Variants in MDN1 observed in about 807,000 individuals in gnomAD.
The protein encoded by MDN1 is midasin.
In MDN1, 266 loss-of-function variants were observed where a neutral mutation model predicts 669.2. The ratio of observed to expected loss-of-function variants is 0.40; its 90% confidence interval spans 0.36 to 0.44. The LOEUF is 0.44. Ranked by LOEUF, MDN1 falls within the 20% of genes least tolerant of loss-of-function variation. MDN1 has a pLI of 1.00. For synonymous variants in MDN1, 2,385 were observed against 2,457.1 expected, an observed-to-expected ratio of 0.97 and a Z score of 0.87; for missense variants, 5,940 against 6,754.0, an observed-to-expected ratio of 0.88 and a Z score of 4.22.
intron 3 of MDN1, among the ~76,000 whole-genome samples, 180 bp from the exon 4 acceptor site, chr6:89,794,387 C>T (rs1258058187): frequency 6.6e-6 from 1 of 152,164 alleles, no homozygotes; most frequent in African/African-American, 2.4e-5. Context: ...AAAGGTGAAA[C>T]TCCATTCATA....
At chr6:89,713,013 C>G in intron 47 of MDN1, 135 bp downstream of exon 47, 1 of 992,386 alleles carries the variant, frequency 1.0e-6, no homozygotes, top group South Asian at 1.7e-5. Context: ...TACCTGGATA[C>G]CAGATCTCTA....
In MDN1 at chr6:89,759,007, A is replaced by T. The variant is rs1817400814; in HGVS notation, c.2461-47T>A. 4 of 1,571,922 alleles carry T rather than the reference A, an allele frequency of 2.5e-6. No individual in the cohort carries two copies. The South Asian group carries it at 4.5e-5, about 18-fold the overall frequency. The stretch of plus-strand genomic sequence containing the variant: ...TGTTAACAATGTGTCAAATAAAGGC[A>T]CACTTGCCAAGAACAGTTATGCAAG... On this transcript the variant is annotated intron_variant, in intron 17 of 101. Transcript: ENST00000369393.
chr6:89,664,465 G>A (rs1810038127), intron 85 of MDN1, 22 bp downstream of exon 85: 1 of 1,610,766 alleles, frequency 6.2e-7, no homozygotes, highest in African/African-American at 1.3e-5. Flanking sequence ...AAACAAGAAT[G>A]AAGTGACAGA....
chr6:89,733,563 T>TATAC (rs769114126), intron 33 of MDN1, among the ~76,000 whole-genome samples: 8 of 151,698 alleles, frequency 5.3e-5, no homozygotes, highest in Admixed American at 3.3e-4. Context: ...GCTATATATA[T>TATAC]ATACAGCCTC....
chr6:89,796,346 A>AAAC (rs1819609502), intron 2 of MDN1, among the ~76,000 whole-genome samples: 4 of 149,590 alleles, frequency 2.7e-5, no homozygotes, highest in African/African-American at 9.8e-5. Flanking sequence ...AAAAAAAAAA[A>AAAC]AAAACAAAAA....
intron 2 of MDN1, among the ~76,000 whole-genome samples, chr6:89,801,551 T>G (rs938371209): frequency 6.6e-6 from 1 of 151,886 alleles, no homozygotes; most frequent in Non-Finnish European, 1.5e-5. Flanking sequence ...CTTGGGGGGC[T>G]GAGGTGGGAG....
At position 89,689,339 on chromosome 6, in the gene MDN1, G is replaced by A. The variant is rs80086277; in HGVS notation, c.11023+531C>T. Among the ~76,000 whole-genome samples the A allele has an allele frequency of 1.7e-3, 260 of 152,288 alleles. 1 individual carries two copies. The highest frequency in any genetic ancestry group is 5.8e-3 in the African/African-American group (240 of 41,566). ...AACAAATGGTGTAGGGGTTAACTCA[G>A]TGCATCCAAATTCCCAGTTTTTATA... On this transcript the variant is annotated intron_variant, in intron 65 of 101. Transcript: ENST00000369393.
At chr6:89,778,592 T>C (rs962993453) in intron 11 of MDN1, among the ~76,000 whole-genome samples, 5 of 151,930 alleles carry the variant, frequency 3.3e-5, no homozygotes, top group Non-Finnish European at 7.4e-5. Context: ...TTATATAAAA[T>C]GGCATAGGGT....
At chr6:89,666,292 G>T (rs1810219552) in intron 84 of MDN1, among the ~76,000 whole-genome samples, 1 of 152,110 alleles carries the variant, frequency 6.6e-6, no homozygotes, top group East Asian at 1.9e-4. Flanking sequence ...CTGAAACAAG[G>T]TCTTGCTCTC....
At chr6:89,738,564 C>G (rs1816124284) in intron 32 of MDN1, 109 bp from the exon 33 acceptor site, 2 of 1,174,918 alleles carry the variant, frequency 1.7e-6, no homozygotes. Context: ...ATACTACACA[C>G]TTTTAAAAAT....
chr6:89,688,574 T>C lies in MDN1; in HGVS notation c.11258A>G (p.Gln3753Arg). 6.2e-7 allele frequency: 1 copy of C among 1,613,022 alleles called. No individual in the cohort carries two copies. The highest frequency in any genetic ancestry group is 8.5e-7 in the Non-Finnish European group (1 of 1,179,290). The change falls in exon 66 of 102, where the codon CAG becomes CGG. Residue 3753 changes from glutamine to arginine, a missense_variant and splice_region_variant. Gln to Arg is a conservative substitution (Grantham distance 43, BLOSUM62 1). Transcript: ENST00000369393. ...QDWPEHPALE[Q>R]LLVVMDRIRS... ...CTCCTTCCTCAACAGCTGCCCTACC[T>C]GTTCAAGCGCTGGGTGTTCTGGCCA...
chr6:89,784,352 T>G (rs1455832853), intron 9 of MDN1, among the ~76,000 whole-genome samples: 4 of 151,966 alleles, frequency 2.6e-5, no homozygotes, highest in Non-Finnish European at 4.4e-5. Context: ...AAGATTGAAG[T>G]TTGTTTGGTG....
At chr6:89,748,199 G>A (rs568031308) in intron 26 of MDN1, among the ~76,000 whole-genome samples, 8 of 152,140 alleles carry the variant, frequency 5.3e-5, no homozygotes, top group South Asian at 2.1e-4. Context: ...GGTGGTGCAC[G>A]CCTATAGTCG....
chr6:89,753,303 A>C (rs1453548866), intron 22 of MDN1, among the ~76,000 whole-genome samples: 1 of 152,196 alleles, frequency 6.6e-6, no homozygotes, highest in Admixed American at 6.5e-5. Flanking sequence ...ATTTATCTGG[A>C]AAGATTATCC....
Position 89,712,160 on chromosome 6 carries a change from C to T in MDN1, c.7527G>A (p.Trp2509Ter). 2 of 1,614,128 alleles carry T rather than the reference C, an allele frequency of 1.2e-6. No individual in the cohort carries two copies. Among genetic ancestry groups the T allele is most frequent in the East Asian group, 2.2e-5 (1 of 44,864 alleles). The change falls in exon 49 of 102, where the codon TGG becomes TGA. Residue 2509 changes from tryptophan to a stop codon, truncating the protein, a stop_gained. Transcript: ENST00000369393. LOFTEE classifies it high-confidence loss of function. ...KFNAVEVNTY[W>*]IDEPDVLVMA... ...TGACCAAAACATCTGGTTCATCGATCCAGTAAGTATTCACTTCGACTGCAT... is the reference window on the plus strand; with the variant it reads ...TGACCAAAACATCTGGTTCATCGATTCAGTAAGTATTCACTTCGACTGCAT...
chr6:89,759,449 G>A (rs1183798716), intron 17 of MDN1, among the ~76,000 whole-genome samples: 1 of 152,090 alleles, frequency 6.6e-6, no homozygotes, highest in Non-Finnish European at 1.5e-5. Flanking sequence ...GATTTAATTG[G>A]TTTTAGAAAT....
In MDN1 at chr6:89,732,729, G is replaced by C. The variant is rs757748362; in HGVS notation, c.4770C>G (p.Thr1590=). ...CACACTTTCTGCCAAACTCTTGGTGGGTCAGCCAGTCAATGAAATCCAGCA... is the reference window on the plus strand; with the variant it reads ...CACACTTTCTGCCAAACTCTTGGTGCGTCAGCCAGTCAATGAAATCCAGCA... ...EVMLDFIDWL[T]HQEFGRKCVV... is the part of the protein sequence containing the mutation. The change falls in exon 34 of 102, where the codon ACC becomes ACG. Residue 1590 remains threonine (T), a synonymous_variant. Coordinates refer to ENST00000369393, the MANE Select transcript of MDN1 (RefSeq NM_014611.3). 1 of 1,613,898 alleles carries C rather than the reference G, an allele frequency of 6.2e-7. No individual in the cohort carries two copies. The highest frequency in any genetic ancestry group is 8.5e-7 in the Non-Finnish European group (1 of 1,179,984).
intron 84 of MDN1, among the ~76,000 whole-genome samples, chr6:89,665,295 G>A (rs559170557): frequency 2.0e-5 from 3 of 152,222 alleles, no homozygotes; most frequent in Admixed American, 1.3e-4. Context: ...CCAAAGTGGC[G>A]GGATTACAGG....
intron 22 of MDN1, among the ~76,000 whole-genome samples, chr6:89,752,523 A>G (rs1358307388): frequency 1.3e-5 from 2 of 152,176 alleles, no homozygotes; most frequent in Non-Finnish European, 2.9e-5. Context: ...GCCAATTTAC[A>G]TGTTGATTGT....
Sources: gnomAD v4.1 joint callset for allele counts (sites outside exome capture counted in the v4.1 genomes callset) on GRCh38, gnomAD v4.1.1 for gene constraint, MANE v1.5 for transcripts, NCBI Gene and HGNC (gene_info 2026-07-23, HGNC 2026-07-21) for gene names.